Variants in TPX2 observed in about 807,000 individuals in gnomAD.
The protein encoded by TPX2 is TPX2 microtubule nucleation factor.
A neutral mutation model predicts 93.6 loss-of-function variants in TPX2; 21 were observed. The observed-to-expected ratio is 0.22, with a 90% CI of 0.16 to 0.32. The LOEUF (loss-of-function observed/expected upper bound fraction) is 0.32. Among genes scored for constraint, TPX2 ranks in the 10% least tolerant of loss-of-function variants. The pLI is 1.00. For missense variants in TPX2, 776 were observed against 871.1 expected, an observed-to-expected ratio of 0.89 and a Z score of 1.37; for synonymous variants, 281 against 298.3, an observed-to-expected ratio of 0.94 and a Z score of 0.60.
chr20:31,764,535 C>T lies in TPX2; in HGVS notation c.230-2021C>T, dbSNP rs140354418. On this transcript the variant is annotated intron_variant, in intron 4 of 17. Transcript: ENST00000300403. ...ATTCTGTGCTCTGAAACCTACTTTG[C>T]CTGATATTAATATAGCCACTCTAGT... Among the ~76,000 whole-genome samples the T allele has an allele frequency of 1.5e-4, 23 of 152,198 alleles. No individual in the cohort carries two copies. The Middle Eastern group carries it at 0.014, about 90-fold the overall frequency.
intron 13 of TPX2, among the ~76,000 whole-genome samples, chr20:31,793,529 TG>T (rs2062116215): frequency 6.6e-6 from 1 of 152,216 alleles, no homozygotes. Context: ...GTCTAGAGGC[TG>T]GGTCAAAGAA....
intron 1 of TPX2, among the ~76,000 whole-genome samples, chr20:31,740,835 G>A (rs1324741228): frequency 1.3e-5 from 2 of 152,136 alleles, no homozygotes; most frequent in Non-Finnish European, 2.9e-5. Context: ...GACAGGGACT[G>A]AAACAATCCT....
At chr20:31,785,953 C>T (rs548253548) in intron 12 of TPX2, among the ~76,000 whole-genome samples, 5 of 152,246 alleles carry the variant, frequency 3.3e-5, no homozygotes, top group South Asian at 2.1e-4. Context: ...TGTAACCTAA[C>T]GTAAATTTAA....
At chr20:31,777,399 G>A in intron 8 of TPX2, 88 bp from the exon 9 acceptor site, 1 of 1,488,278 alleles carries the variant, frequency 6.7e-7, no homozygotes, top group Admixed American at 2.1e-5. Flanking sequence ...CATGGTGACA[G>A]AAATAGCAAA....
intron 12 of TPX2, among the ~76,000 whole-genome samples, chr20:31,792,087 G>A (rs1457008739): frequency 2.0e-5 from 3 of 152,218 alleles, no homozygotes; most frequent in Non-Finnish European, 4.4e-5. Flanking sequence ...AGTTGAATGT[G>A]TTGGAATTAT....
chr20:31,749,285 C>T (rs1366759381), intron 2 of TPX2, among the ~76,000 whole-genome samples: 1 of 152,178 alleles, frequency 6.6e-6, no homozygotes, highest in East Asian at 1.9e-4. Context: ...TGGATAAGAA[C>T]ACCACCTTCG....
intron 15 of TPX2, among the ~76,000 whole-genome samples, chr20:31,794,788 G>GTGTGTGTA (rs935841724): frequency 4.5e-4 from 68 of 150,862 alleles, no homozygotes; most frequent in Non-Finnish European, 7.1e-4. Context: ...GTGTGTGTGT[G>GTGTGTGTA]TGTATGTGTG....
chr20:31,766,454 GGTGTGTGTGTGTGTGT>G (rs35700111), intron 4 of TPX2, 86 bp from the exon 5 acceptor site: 71 of 720,562 alleles, frequency 9.9e-5, no homozygotes, highest in Non-Finnish European at 1.3e-4. Context: ...GCTTAGACAG[GGTGTGTGTGTGTGTGT>G]GTGTGTGTGT....
chr20:31,769,137 A>G (rs1427304563), intron 5 of TPX2, among the ~76,000 whole-genome samples: 1 of 152,036 alleles, frequency 6.6e-6, no homozygotes, highest in Middle Eastern at 3.2e-3. Context: ...GCACACCAGC[A>G]TGGCACATGT....
chr20:31,760,009 G>A (rs148828052), intron 3 of TPX2, 48 bp from the exon 4 acceptor site: 4 of 1,604,056 alleles, frequency 2.5e-6, no homozygotes, highest in Non-Finnish European at 3.4e-6. Flanking sequence ...ATAGTGATTT[G>A]TTTTGCTTCC....
Position 31,779,498 on chromosome 20 carries a change from A to G in TPX2, c.1054+514A>G, listed in dbSNP as rs1260063903. On this transcript the variant is annotated intron_variant, in intron 10 of 17. Coordinates refer to ENST00000300403, the MANE Select transcript of TPX2 (RefSeq NM_012112.5). ...ACATCAAGTTTCAAAAGCCTTTACC[A>G]TAATTTGTAGTGACCTATTTATCTC... Among the ~76,000 whole-genome samples the G allele has an allele frequency of 2.0e-5, 3 of 152,238 alleles. No individual in the cohort carries two copies. In the East Asian group the frequency reaches 5.8e-4, roughly 29 times the overall value.
chr20:31,758,822 G>A (rs374387815), intron 3 of TPX2, among the ~76,000 whole-genome samples: 2 of 152,104 alleles, frequency 1.3e-5, no homozygotes, highest in African/African-American at 4.8e-5. Context: ...TCTTCCCCAT[G>A]CCCTTGCTTC....
chr20:31,766,644 G>A lies in TPX2; in HGVS notation c.318G>A (p.Glu106=), dbSNP rs757212935. ...ATGCTTGTTCTTCCCTGGAAGTTGAGGCAGCCATATCAAGAAAAACTCCAG... is the reference window on the plus strand; with the variant it reads ...ATGCTTGTTCTTCCCTGGAAGTTGAAGCAGCCATATCAAGAAAAACTCCAG... The part of the protein sequence containing the change: ...PSNACSSLEV[E]AAISRKTPAQ... The change falls in exon 5 of 18, where the codon GAG becomes GAA. Residue 106 remains glutamate (E), a synonymous_variant. Transcript: ENST00000300403. The A allele has an allele frequency of 1.5e-5, 25 of 1,613,688 alleles. No homozygotes were observed. The highest frequency in any genetic ancestry group is 2.0e-5 in the Non-Finnish European group (24 of 1,179,912).
At chr20:31,794,075 A>C in intron 14 of TPX2, 51 bp downstream of exon 14, 1 of 1,524,678 alleles carries the variant, frequency 6.6e-7, no homozygotes, top group Non-Finnish European at 8.8e-7. Context: ...TTGATCCCTC[A>C]AAGACAGTTT....
Position 31,766,669 on chromosome 20 carries a change from G to T in TPX2, c.343G>T (p.Ala115Ser). The change falls in exon 5 of 18, where the codon GCC becomes TCC. Residue 115 changes from alanine (A) to serine (S), a missense_variant. Around this residue, in one of 3 missense-constraint regions of TPX2, gnomAD observed 279 missense variants for 261.6 expected, o/e 1.07. Coordinates refer to ENST00000300403, the MANE Select transcript of TPX2 (RefSeq NM_012112.5). Reference sequence around the variant, plus strand: ...GGCAGCCATATCAAGAAAAACTCCAGCCCAGCCTCAGAGGTAAGACTTTGG... The same window carrying T: ...GGCAGCCATATCAAGAAAAACTCCATCCCAGCCTCAGAGGTAAGACTTTGG... ...VEAAISRKTP[A>S]QPQRRSLRLS... The T allele has an allele frequency of 1.2e-6, 2 of 1,613,170 alleles. No homozygotes were observed. Among genetic ancestry groups the T allele is most frequent in the Non-Finnish European group, 1.7e-6 (2 of 1,179,740 alleles).
At chr20:31,786,439 A>C (rs1172392872) in intron 12 of TPX2, among the ~76,000 whole-genome samples, 1 of 136,552 alleles carries the variant, frequency 7.3e-6, no homozygotes, top group Non-Finnish European at 1.5e-5. Flanking sequence ...TCTGTTGCCC[A>C]GGCTAGAGTG....
chr20:31,798,300 C>A, intron 16 of TPX2, 65 bp from the exon 17 acceptor site: 1 of 1,601,262 alleles, frequency 6.2e-7, no homozygotes, highest in Non-Finnish European at 8.5e-7. Flanking sequence ...CTTGCTCATT[C>A]CAGGGGGCGT....
chr20:31,798,454 G>A lies in TPX2; in HGVS notation c.2035G>A (p.Ala679Thr). The change falls in exon 17 of 18, where the codon GCT becomes ACT. Residue 679 changes from alanine (A) to threonine (T), a missense_variant. Ala to Thr is a moderately conservative substitution (Grantham distance 58). Transcript: ENST00000300403. ...KERQELEKRM[A>T]EVEAQKAQQL... is the part of the protein sequence containing the mutation. ...GCGGCAGGAGCTGGAGAAGAGAATG[G>A]CTGAGGTAGAAGCCCAGAAAGCCCA... The A allele has an allele frequency of 6.2e-7, 1 of 1,614,006 alleles. No homozygotes were observed. The highest frequency in any genetic ancestry group is 2.2e-5 in the East Asian group (1 of 44,892).
chr20:31,757,683 T>C, intron 3 of TPX2, 101 bp downstream of exon 3: 1 of 816,580 alleles, frequency 1.2e-6, no homozygotes, highest in East Asian at 2.6e-5. Context: ...AACTAAAATA[T>C]CAACTTCTTT....
Sources: allele counts gnomAD v4.1 joint callset (sites outside exome capture counted in the v4.1 genomes callset), GRCh38; gene constraint gnomAD v4.1.1; regional missense constraint gnomAD v4.1.1; transcripts MANE v1.5; gene names NCBI Gene and HGNC (gene_info 2026-07-23, HGNC 2026-07-21).